Variants in ABL2 observed in about 807,000 individuals in gnomAD.
The protein encoded by ABL2 is ABL proto-oncogene 2, non-receptor tyrosine kinase, also known as tyrosine-protein kinase ABL2.
A neutral mutation model predicts 107.7 loss-of-function variants in ABL2; 49 were observed. The observed-to-expected ratio is 0.45, with a 90% CI of 0.36 to 0.58. The LOEUF (loss-of-function observed/expected upper bound fraction) is 0.58. ABL2 is among the 20% of genes least tolerant of loss of function. The pLI is 0.00. For synonymous variants in ABL2, 549 were observed against 548.6 expected, an observed-to-expected ratio of 1.00 and a Z score of -0.01; for missense variants, 1,245 against 1,457.0, an observed-to-expected ratio of 0.85 and a Z score of 2.37.
At chr1:179,154,133 T>C (rs1223257568) in intron 1 of ABL2, among the ~76,000 whole-genome samples, 1 of 152,186 alleles carries the variant, frequency 6.6e-6, no homozygotes, top group African/African-American at 2.4e-5. Context: ...CATTATTTCC[T>C]TGCCTGAACT....
At chr1:179,110,509 G>C in intron 10 of ABL2, 54 bp from the exon 11 acceptor site, 1 of 1,556,594 alleles carries the variant, frequency 6.4e-7, no homozygotes, top group Non-Finnish European at 8.6e-7. Context: ...GCAGAAAAAG[G>C]GAGTTCTTTT....
At chr1:179,113,141 T>G (rs947965373) in intron 9 of ABL2, among the ~76,000 whole-genome samples, 1 of 152,172 alleles carries the variant, frequency 6.6e-6, no homozygotes, top group African/African-American at 2.4e-5. Context: ...TTTGAACTCC[T>G]GAGCTCAAGC....
At chr1:179,158,279 A>G (rs559052459) in intron 1 of ABL2, among the ~76,000 whole-genome samples, 2 of 152,250 alleles carry the variant, frequency 1.3e-5, no homozygotes, top group Non-Finnish European at 2.9e-5. Context: ...TAGAAGATAG[A>G]GAATGGGAGA....
intron 1 of ABL2, among the ~76,000 whole-genome samples, chr1:179,227,533 G>T (rs139825704): frequency 6.6e-6 from 1 of 151,962 alleles, no homozygotes; most frequent in Non-Finnish European, 1.5e-5. Flanking sequence ...CTTACATACC[G>T]AATAAGATAG....
chr1:179,136,804 T>C (rs1359953836), intron 1 of ABL2, among the ~76,000 whole-genome samples: 2 of 151,432 alleles, frequency 1.3e-5, no homozygotes, highest in East Asian at 3.9e-4. Context: ...TAATCCCAGC[T>C]ACTTCGGAGG....
At chr1:179,209,722 C>A (rs1662160764) in intron 1 of ABL2, among the ~76,000 whole-genome samples, 1 of 152,070 alleles carries the variant, frequency 6.6e-6, no homozygotes. Context: ...AAAATTTTAT[C>A]TTAAAAACAA....
chr1:179,120,038 A>G (rs553308202), intron 6 of ABL2, 152 bp downstream of exon 6: 2 of 483,842 alleles, frequency 4.1e-6, no homozygotes, highest in East Asian at 6.4e-5. Context: ...TGAAAGGCCC[A>G]GGCGGAAGTA....
chr1:179,208,642 T>C (rs577872161), intron 1 of ABL2, among the ~76,000 whole-genome samples: 2 of 152,106 alleles, frequency 1.3e-5, no homozygotes, highest in South Asian at 2.1e-4. Context: ...TGCAACCTAC[T>C]AGCTGTGTGG....
chr1:179,134,519 C>T (rs549670830), intron 1 of ABL2, among the ~76,000 whole-genome samples: 1 of 152,098 alleles, frequency 6.6e-6, no homozygotes, highest in African/African-American at 2.4e-5. Context: ...AAGTTTCCTC[C>T]GAGGCCTTGG....
At chr1:179,188,419 C>T (rs1416578625) in intron 1 of ABL2, among the ~76,000 whole-genome samples, 3 of 151,982 alleles carry the variant, frequency 2.0e-5, no homozygotes, top group Non-Finnish European at 4.4e-5. Flanking sequence ...TGGTGGCACA[C>T]GTCTGTCATC....
chr1:179,140,988 T>C (rs1371986666), intron 1 of ABL2, among the ~76,000 whole-genome samples: 8 of 151,786 alleles, frequency 5.3e-5, no homozygotes, highest in Non-Finnish European at 1.2e-4. Context: ...TGGTGGCGGG[T>C]GCCTGTAATC....
intron 8 of ABL2, 82 bp downstream of exon 8, chr1:179,117,250 T>C (rs778006259): frequency 1.4e-6 from 2 of 1,384,606 alleles, no homozygotes; most frequent in Non-Finnish European, 1.0e-6. Flanking sequence ...ATACTGAACA[T>C]CGTAAGAGAA....
intron 1 of ABL2, chr1:179,143,138 C>T: frequency 6.7e-7 from 1 of 1,492,114 alleles, no homozygotes; most frequent in Non-Finnish European, 9.0e-7. Context: ...ATGCATGTGA[C>T]ATTTACTCAT....
In ABL2 at chr1:179,229,643, G is replaced by GCCGCCGCCA. The variant is rs1553236274; in HGVS notation, c.-247_-246insTGGCGGCGG. On this transcript the variant is annotated 5_prime_UTR_variant, in exon 1 of 12. Transcript: ENST00000502732. The stretch of plus-strand genomic sequence containing the variant: ...GCTCCGCGCCCCCAACGCCGCCGCC[G>GCCGCCGCCA]CCGCCGCCGCCACCGCCGCCGCCAT... 1.7e-4 allele frequency: 84 copies of GCCGCCGCCA among 496,722 alleles called. 1 individual carries two copies. The East Asian group carries it at 3.0e-3, about 17-fold the overall frequency. The allele number at this position is 496,722 out of a possible 1,614,324, so 30.8% of individuals were successfully genotyped here. A position where few individuals can be genotyped will look rare whatever the true frequency, so the allele number is the denominator to read the frequency against.
chr1:179,159,778 C>T (rs985368692), intron 1 of ABL2, among the ~76,000 whole-genome samples: 4 of 152,128 alleles, frequency 2.6e-5, no homozygotes, highest in African/African-American at 9.7e-5. Flanking sequence ...TATAAAAATA[C>T]TTGTATAATG....
At chr1:179,193,225 T>A (rs529958339) in intron 1 of ABL2, among the ~76,000 whole-genome samples, 1 of 152,194 alleles carries the variant, frequency 6.6e-6, no homozygotes, top group Non-Finnish European at 1.5e-5. Context: ...CCCGAAGAAG[T>A]CAATTTGTGG....
chr1:179,167,454 A>G, intron 1 of ABL2, among the ~76,000 whole-genome samples: 1 of 152,220 alleles, frequency 6.6e-6, no homozygotes, highest in East Asian at 1.9e-4. Context: ...AAGAAGATTA[A>G]AAATTCTAAT....
At chr1:179,128,292 C>A (rs570313465) in intron 3 of ABL2, among the ~76,000 whole-genome samples, 144 of 151,268 alleles carry the variant, frequency 9.5e-4, no homozygotes, top group Non-Finnish European at 1.3e-3. Context: ...TCTGGTGTAG[C>A]GGTGGATATG....
chr1:179,112,482 C>A, intron 9 of ABL2, 84 bp from the exon 10 acceptor site: 1 of 982,906 alleles, frequency 1.0e-6, no homozygotes, highest in South Asian at 1.5e-5. Flanking sequence ...TTCTATGCAT[C>A]ATGATGCACA....
Sources: gnomAD v4.1 joint callset for allele counts (sites outside exome capture counted in the v4.1 genomes callset) on GRCh38, gnomAD v4.1.1 for gene constraint, MANE v1.5 for transcripts, NCBI Gene and HGNC (gene_info 2026-07-23, HGNC 2026-07-21) for gene names.